The following GRIA4 variants were observed in gnomAD, a reference collection of about 807,000 sequenced individuals.
The protein encoded by GRIA4 is glutamate ionotropic receptor AMPA type subunit 4, also known as glutamate receptor 4.
Under a neutral mutation model 104.0 loss-of-function variants are expected in GRIA4, and 34 were observed. The observed-to-expected ratio is 0.33, with a 90% CI of 0.25 to 0.44. The LOEUF is 0.44. GRIA4 is among the 20% of genes least tolerant of loss of function. The probability of loss-of-function intolerance (pLI) is 1.00; values close to 1 mark genes in which losing one functional copy is unlikely to be tolerated. For missense variants in GRIA4, 750 were observed against 1,096.5 expected (o/e 0.68, Z 4.46); for synonymous variants, 386 against 381.9 (o/e 1.01, Z -0.13).
At chr11:105,922,138 A>T (rs1174833572) in intron 11 of GRIA4, among the ~76,000 whole-genome samples, 1 of 152,164 alleles carries the variant, frequency 6.6e-6, no homozygotes, top group Non-Finnish European at 1.5e-5. Flanking sequence ...ACAAATTAGG[A>T]AGTAAAAAAA....
chr11:105,611,187 A>C, intron 2 of GRIA4, 102 bp downstream of exon 2: 1 of 805,656 alleles, frequency 1.2e-6, no homozygotes, highest in Admixed American at 1.9e-5. Context: ...AACCTTCAGC[A>C]GTTCCCTTCC....
chr11:105,856,268 TGA>T (rs1214138273), intron 4 of GRIA4, among the ~76,000 whole-genome samples: 1 of 152,126 alleles, frequency 6.6e-6, no homozygotes, highest in Non-Finnish European at 1.5e-5. Flanking sequence ...CACTCTTTTC[TGA>T]GAGTCTATGA....
At chr11:105,800,305 A>C (rs1306669485) in intron 4 of GRIA4, among the ~76,000 whole-genome samples, 1 of 152,064 alleles carries the variant, frequency 6.6e-6, no homozygotes, top group Non-Finnish European at 1.5e-5. Flanking sequence ...GAAGTTACAC[A>C]TAGCTTATGT....
At chr11:105,714,494 C>T (rs1005103959) in intron 3 of GRIA4, among the ~76,000 whole-genome samples, 2 of 152,034 alleles carry the variant, frequency 1.3e-5, no homozygotes, top group Non-Finnish European at 2.9e-5. Flanking sequence ...ATGACCTCAA[C>T]GAACAGTTGA....
At chr11:105,877,223 T>G (rs532856245) in intron 5 of GRIA4, among the ~76,000 whole-genome samples, 1 of 152,326 alleles carries the variant, frequency 6.6e-6, no homozygotes, top group East Asian at 1.9e-4. Flanking sequence ...TTTAAGAATG[T>G]TGAATATTGA....
At position 105,630,710 on chromosome 11, in the gene GRIA4, T is replaced by A. The variant is rs1049608521; in HGVS notation, c.247+18276T>A. Among the ~76,000 whole-genome samples the A allele has an allele frequency of 9.2e-5, 14 of 152,160 alleles. 1 individual carries two copies. The highest frequency in any genetic ancestry group is 6.5e-5 in the Admixed American group (1 of 15,280). On this transcript the variant is annotated intron_variant, in intron 3 of 16. Coordinates refer to ENST00000282499, the MANE Select transcript of GRIA4 (RefSeq NM_000829.4). Reference sequence around the variant, plus strand: ...ATGAAAAAAATGATTAATAATTTTTTTTAAAAAAATTTTAAAAATTAATTA... The same window carrying A: ...ATGAAAAAAATGATTAATAATTTTTATTAAAAAAATTTTAAAAATTAATTA...
chr11:105,771,593 T>C (rs1941210479), intron 4 of GRIA4, among the ~76,000 whole-genome samples: 1 of 152,104 alleles, frequency 6.6e-6, no homozygotes, highest in Admixed American at 6.6e-5. Context: ...ATTTACACAG[T>C]GTATATATGT....
intron 4 of GRIA4, among the ~76,000 whole-genome samples, chr11:105,807,015 A>T (rs910819564): frequency 6.6e-6 from 1 of 151,900 alleles, no homozygotes; most frequent in African/African-American, 2.4e-5. Flanking sequence ...ATAGTCAAGC[A>T]ATAGTAATTC....
At chr11:105,765,347 C>T (rs145477973) in intron 4 of GRIA4, among the ~76,000 whole-genome samples, 152 of 152,262 alleles carry the variant, frequency 1.0e-3, no homozygotes, top group African/African-American at 3.4e-3. Flanking sequence ...ATCCTTTAAA[C>T]AATAACAACA....
chr11:105,684,580 CTA>C (rs1952814959), intron 3 of GRIA4, among the ~76,000 whole-genome samples: 1 of 144,190 alleles, frequency 6.9e-6, no homozygotes, highest in Admixed American at 7.0e-5. Context: ...TATTTATTGA[CTA>C]TATATTATAA....
intron 4 of GRIA4, among the ~76,000 whole-genome samples, chr11:105,853,945 C>A (rs1347217552): frequency 6.6e-6 from 1 of 152,312 alleles, no homozygotes; most frequent in South Asian, 2.1e-4. Flanking sequence ...TTTTATAAAT[C>A]TGTCTCTTCT....
rs551882222 is a variant in GRIA4 at position 105,745,261 on chromosome 11, G to A, written c.248-7720G>A. ...ATGAAACATCTATGTTAAGTAATAC[G>A]TTTGTTCGTATCACTGTTTGTTTTT... On this transcript the variant is annotated intron_variant, in intron 3 of 16. Coordinates refer to ENST00000282499, the MANE Select transcript of GRIA4 (RefSeq NM_000829.4). 3.9e-5 allele frequency among the ~76,000 whole-genome samples: 6 copies of A among 152,144 alleles called. No homozygotes were observed. The South Asian group carries it at 8.3e-4, about 21-fold the overall frequency.
At chr11:105,653,111 C>T (rs1301228638) in intron 3 of GRIA4, among the ~76,000 whole-genome samples, 2 of 152,160 alleles carry the variant, frequency 1.3e-5, no homozygotes. Context: ...CGGGGTTTCA[C>T]CGTGCTAGCC....
At chr11:105,679,891 G>A (rs996704360) in intron 3 of GRIA4, among the ~76,000 whole-genome samples, 1 of 151,980 alleles carries the variant, frequency 6.6e-6, no homozygotes, top group African/African-American at 2.4e-5. Context: ...TGAAGGGTTT[G>A]GGCCATTAGA....
intron 3 of GRIA4, among the ~76,000 whole-genome samples, chr11:105,622,095 C>A (rs1169120942): frequency 6.6e-6 from 1 of 151,760 alleles, no homozygotes; most frequent in Non-Finnish European, 1.5e-5. Context: ...TATTTTTCCA[C>A]TTTCCCTTTG....
chr11:105,932,104 T>C (rs1947894555), intron 13 of GRIA4, among the ~76,000 whole-genome samples: 1 of 151,956 alleles, frequency 6.6e-6, no homozygotes, highest in Admixed American at 6.6e-5. Context: ...TGAAAACAAA[T>C]GCAGTTGCAC....
At chr11:105,629,077 C>CAAAA (rs1950963458) in intron 3 of GRIA4, among the ~76,000 whole-genome samples, 1 of 16,600 alleles carries the variant, frequency 6.0e-5, no homozygotes, top group Non-Finnish European at 1.8e-4. Context: ...CACTTCTCCA[C>CAAAA]CAAAAAAAAA....
intron 4 of GRIA4, among the ~76,000 whole-genome samples, chr11:105,810,013 T>C (rs1943109802): frequency 6.6e-6 from 1 of 152,136 alleles, no homozygotes; most frequent in Non-Finnish European, 1.5e-5. Flanking sequence ...GATTTAAGGA[T>C]AAGGTTGTTA....
intron 4 of GRIA4, among the ~76,000 whole-genome samples, chr11:105,758,749 G>A (rs1940454091): frequency 5.3e-5 from 8 of 152,074 alleles, no homozygotes; most frequent in Admixed American, 5.2e-4. Context: ...GTTATAACAG[G>A]TATTGTATCA....
Sources: allele counts gnomAD v4.1 joint callset (sites outside exome capture counted in the v4.1 genomes callset), GRCh38; gene constraint gnomAD v4.1.1; transcripts MANE v1.5; gene names NCBI Gene and HGNC (gene_info 2026-07-23, HGNC 2026-07-21).